The following RPSA2 variants were observed in gnomAD, a reference collection of about 807,000 sequenced individuals.
RPSA2 encodes ribosomal protein SA 2.
chr19:23,789,034 T>TTTTTTTTTTTTTTTA, the RPSA2 span, among the ~76,000 whole-genome samples: 1 of 148,906 alleles, frequency 6.7e-6, no homozygotes, highest in Admixed American at 6.7e-5. Context: ...TTTTTTTTTT[T>TTTTTTTTTTTTTTTA]TTGACAGCCA....
chr19:23,843,950 G>C, the RPSA2 span, among the ~76,000 whole-genome samples: 1 of 151,994 alleles, frequency 6.6e-6, no homozygotes, highest in African/African-American at 2.4e-5. Flanking sequence ...GTAGAGATGG[G>C]GTTTCTTCAT....
the RPSA2 span, among the ~76,000 whole-genome samples, chr19:23,778,077 C>A: frequency 2.0e-5 from 3 of 152,202 alleles, no homozygotes; most frequent in African/African-American, 7.2e-5. Flanking sequence ...TTGCCTGGTC[C>A]TGCCCTTAAA....
the RPSA2 span, among the ~76,000 whole-genome samples, chr19:23,868,199 G>A: frequency 6.6e-6 from 1 of 152,188 alleles, no homozygotes; most frequent in African/African-American, 2.4e-5. Context: ...TGTAGTAATA[G>A]ATCTTAAAGA....
the RPSA2 span, among the ~76,000 whole-genome samples, chr19:23,816,159 G>A: frequency 6.6e-6 from 1 of 151,630 alleles, no homozygotes; most frequent in South Asian, 2.1e-4. Flanking sequence ...TTTTGAGATA[G>A]GGTCTCACTC....
At chr19:23,798,040 A>G in the RPSA2 span, among the ~76,000 whole-genome samples, 207 of 152,198 alleles carry the variant, frequency 1.4e-3, no homozygotes, top group Admixed American at 2.3e-3. Flanking sequence ...TAACAGCTAA[A>G]TAAATCTTTG....
chr19:23,862,069 G>T, the RPSA2 span, among the ~76,000 whole-genome samples: 13 of 152,110 alleles, frequency 8.5e-5, no homozygotes, highest in East Asian at 2.5e-3. Context: ...GTGGTTTGTA[G>T]TTCTCCTTGA....
the RPSA2 span, among the ~76,000 whole-genome samples, chr19:23,840,658 T>C: frequency 6.6e-6 from 1 of 152,108 alleles, no homozygotes; most frequent in Non-Finnish European, 1.5e-5. Flanking sequence ...GATACACTAT[T>C]AGAAATTACA....
At chr19:23,857,650 C>G in the RPSA2 span, among the ~76,000 whole-genome samples, 1 of 64,806 alleles carries the variant, frequency 1.5e-5, no homozygotes, top group African/African-American at 5.5e-5. Flanking sequence ...ACCACCACAC[C>G]TAGCTAATTT....
the RPSA2 span, among the ~76,000 whole-genome samples, chr19:23,807,428 T>C: frequency 1.3e-5 from 2 of 152,232 alleles, no homozygotes; most frequent in African/African-American, 4.8e-5. Context: ...ACATTAAAAT[T>C]TGAGTGGTAC....
chr19:23,851,396 CA>C, the RPSA2 span, among the ~76,000 whole-genome samples: 23 of 152,152 alleles, frequency 1.5e-4, no homozygotes, highest in African/African-American at 5.5e-4. Context: ...CAAAAGAGAC[CA>C]AAAGTCTACC....
At chr19:23,807,870 G>A in the RPSA2 span, 21 of 427,206 alleles carry the variant, frequency 4.9e-5, no homozygotes, top group Admixed American at 1.1e-4. Flanking sequence ...TCTCTCTGGA[G>A]GAGTAGCAGT....
chr19:23,833,245 C>T, the RPSA2 span: 4 of 389,140 alleles, frequency 1.0e-5, no homozygotes, highest in East Asian at 4.2e-4. Context: ...ATTTGGCAAA[C>T]CTTTAATCCT....
chr19:23,814,795 AAC>A, the RPSA2 span, among the ~76,000 whole-genome samples: 1 of 152,054 alleles, frequency 6.6e-6, no homozygotes, highest in South Asian at 2.1e-4. Context: ...TTGGTCAGAA[AAC>A]ACAGTGTATA....
At chr19:23,769,164 G>A in the RPSA2 span, among the ~76,000 whole-genome samples, 6 of 152,298 alleles carry the variant, frequency 3.9e-5, no homozygotes, top group East Asian at 7.7e-4. Flanking sequence ...GGATTGTGAC[G>A]TATTGCTTGG....
chr19:23,804,882 G>T, the RPSA2 span, among the ~76,000 whole-genome samples: 1 of 152,116 alleles, frequency 6.6e-6, no homozygotes, highest in Non-Finnish European at 1.5e-5. Flanking sequence ...CTGGGTGAAA[G>T]CATCTATTTG....
At chr19:23,830,700 G>A in the RPSA2 span, among the ~76,000 whole-genome samples, 315 of 151,036 alleles carry the variant, frequency 2.1e-3, 3 homozygotes, top group African/African-American at 6.8e-3. Flanking sequence ...AGTTGTCTCT[G>A]TTCCTATTTT....
the RPSA2 span, among the ~76,000 whole-genome samples, chr19:23,834,749 AC>A: frequency 6.6e-6 from 1 of 152,200 alleles, no homozygotes; most frequent in East Asian, 1.9e-4. Flanking sequence ...TGTGCCACTA[AC>A]TTTAACCTAT....
the RPSA2 span, among the ~76,000 whole-genome samples, chr19:23,833,745 A>G: frequency 2.1e-4 from 32 of 152,250 alleles, no homozygotes; most frequent in African/African-American, 7.7e-4. Flanking sequence ...CTGTCCAAAG[A>G]TCTATTAGAA....
At chr19:23,854,974 C>A in the RPSA2 span, among the ~76,000 whole-genome samples, 1 of 152,160 alleles carries the variant, frequency 6.6e-6, no homozygotes, top group East Asian at 1.9e-4. Context: ...CTTGAGCGTG[C>A]TCATCAGAGA....
Sources: gnomAD v4.1 joint callset for allele counts (sites outside exome capture counted in the v4.1 genomes callset) on GRCh38, gnomAD v4.1.1 for gene constraint, MANE v1.5 for transcripts, NCBI Gene and HGNC (gene_info 2026-07-23, HGNC 2026-07-21) for gene names.